OXR1: variants seen among roughly 807,000 people sequenced by gnomAD.
OXR1 encodes the protein oxidation resistance 1.
Under a neutral mutation model 104.6 loss-of-function variants are expected in OXR1, and 41 were observed. The observed-to-expected ratio is 0.39, with a 90% CI of 0.31 to 0.51. OXR1 has a LOEUF of 0.51. OXR1 is among the 20% of genes least tolerant of loss of function. The pLI, the probability that OXR1 is intolerant of heterozygous loss-of-function variation, is 0.77. For missense variants in OXR1, 955 were observed against 1,031.9 expected, an observed-to-expected ratio of 0.93 and a Z score of 1.02; for synonymous variants, 348 against 348.4, an observed-to-expected ratio of 1.00 and a Z score of 0.01.
intron 11 of OXR1, among the ~76,000 whole-genome samples, chr8:106,726,745 A>T (rs1054749538): frequency 3.3e-5 from 5 of 152,150 alleles, no homozygotes; most frequent in Non-Finnish European, 5.9e-5. Context: ...GAATCTGACT[A>T]AAAGGTTTTT....
intron 2 of OXR1, among the ~76,000 whole-genome samples, chr8:106,376,082 C>T (rs1816895554): frequency 6.6e-6 from 1 of 152,204 alleles, no homozygotes; most frequent in African/African-American, 2.4e-5. Context: ...CTCCTGGGCT[C>T]AAGTGCCCTT....
intron 6 of OXR1, among the ~76,000 whole-genome samples, chr8:106,691,678 C>T (rs965830975): frequency 2.0e-5 from 3 of 148,262 alleles, no homozygotes; most frequent in Admixed American, 6.8e-5. Flanking sequence ...GTGACTAATG[C>T]GGTTAACTCA....
At chr8:106,502,309 A>C (rs1811864686) in intron 2 of OXR1, among the ~76,000 whole-genome samples, 1 of 152,220 alleles carries the variant, frequency 6.6e-6, no homozygotes. Context: ...TTATGTAGCC[A>C]GTCCAGAATT....
chr8:106,735,409 G>A (rs768942081), intron 11 of OXR1, among the ~76,000 whole-genome samples: 6 of 152,048 alleles, frequency 3.9e-5, no homozygotes, highest in Admixed American at 6.6e-5. Context: ...GCCTTATGGC[G>A]ATTTATTGTT....
At chr8:106,407,744 C>T (rs1818295472) in intron 2 of OXR1, among the ~76,000 whole-genome samples, 1 of 152,124 alleles carries the variant, frequency 6.6e-6, no homozygotes, top group Non-Finnish European at 1.5e-5. Flanking sequence ...AATTCATTGA[C>T]CTGGGAATTG....
chr8:106,739,710 A>G, intron 13 of OXR1, 127 bp downstream of exon 13: 1 of 850,818 alleles, frequency 1.2e-6, no homozygotes, highest in Non-Finnish European at 1.8e-6. Flanking sequence ...CAGTGAAAAG[A>G]AAGAGTAAGC....
intron 3 of OXR1, among the ~76,000 whole-genome samples, chr8:106,538,016 T>G (rs1814678478): frequency 6.6e-6 from 1 of 152,208 alleles, no homozygotes; most frequent in East Asian, 1.9e-4. Context: ...GGATTTTCTG[T>G]GGAAACTGAT....
intron 3 of OXR1, among the ~76,000 whole-genome samples, chr8:106,645,556 G>A (rs1257617073): frequency 6.6e-6 from 1 of 152,086 alleles, no homozygotes; most frequent in Non-Finnish European, 1.5e-5. Flanking sequence ...TGCAACAGAA[G>A]AAAATGACCA....
At chr8:106,649,400 A>G (rs1180479148) in intron 3 of OXR1, among the ~76,000 whole-genome samples, 1 of 152,086 alleles carries the variant, frequency 6.6e-6, no homozygotes, top group Non-Finnish European at 1.5e-5. Flanking sequence ...CAAATTTACT[A>G]TTATATAGCC....
chr8:106,449,929 C>G (rs1239129039), intron 2 of OXR1, among the ~76,000 whole-genome samples: 1 of 152,070 alleles, frequency 6.6e-6, no homozygotes, highest in African/African-American at 2.4e-5. Context: ...TGTATGCTGT[C>G]TCACAGGCAT....
At chr8:106,339,401 A>G (rs998565638) in intron 1 of OXR1, among the ~76,000 whole-genome samples, 24 of 147,146 alleles carry the variant, frequency 1.6e-4, no homozygotes, top group South Asian at 6.8e-4. Flanking sequence ...AGGCTGAGGC[A>G]GGAGAATGGT....
intron 3 of OXR1, among the ~76,000 whole-genome samples, chr8:106,546,481 G>T (rs1815368816): frequency 6.6e-6 from 1 of 152,204 alleles, no homozygotes; most frequent in South Asian, 2.1e-4. Flanking sequence ...AGTTTATTTT[G>T]CCAAGGTAAA....
Position 106,296,647 on chromosome 8 carries a change from T to G in OXR1, c.-139+26280T>G, listed in dbSNP as rs149798370. Among the ~76,000 whole-genome samples the G allele has an allele frequency of 4.1e-3, 618 of 152,252 alleles. 2 individuals carry two copies. The highest frequency in any genetic ancestry group is 0.013 in the African/African-American group (545 of 41,550). On this transcript the variant is annotated intron_variant, in intron 1 of 16. Transcript: ENST00000517566. ...AACTCTAGTGATCACCTGTTTGTGT[T>G]GATGAATAGTAGTAAGGCCAGTGTA...
At chr8:106,549,388 G>A (rs1450999134) in intron 3 of OXR1, among the ~76,000 whole-genome samples, 1 of 152,090 alleles carries the variant, frequency 6.6e-6, no homozygotes, top group East Asian at 1.9e-4. Flanking sequence ...GTAAACACTT[G>A]TTGAATTTGT....
At chr8:106,385,388 A>T (rs1162315996) in intron 2 of OXR1, among the ~76,000 whole-genome samples, 1 of 152,224 alleles carries the variant, frequency 6.6e-6, no homozygotes. Context: ...ATTCATATAA[A>T]CTGCCTTCTT....
At chr8:106,278,591 A>C (rs1290953482) in intron 1 of OXR1, among the ~76,000 whole-genome samples, 1 of 152,182 alleles carries the variant, frequency 6.6e-6, no homozygotes, top group African/African-American at 2.4e-5. Flanking sequence ...TCATTTTCTA[A>C]GATAAAATGT....
intron 3 of OXR1, among the ~76,000 whole-genome samples, chr8:106,529,819 A>G (rs547609108): frequency 6.6e-6 from 1 of 152,332 alleles, no homozygotes; most frequent in East Asian, 1.9e-4. Flanking sequence ...AAAACAAATT[A>G]TATCTGTCAA....
At chr8:106,624,562 A>G (rs1006826969) in intron 3 of OXR1, among the ~76,000 whole-genome samples, 4 of 152,164 alleles carry the variant, frequency 2.6e-5, no homozygotes, top group African/African-American at 9.7e-5. Flanking sequence ...GGGTACAAAA[A>G]TGAGGTCTCA....
intron 1 of OXR1, among the ~76,000 whole-genome samples, chr8:106,314,175 C>G (rs1813830902): frequency 6.6e-6 from 1 of 152,112 alleles, no homozygotes; most frequent in Non-Finnish European, 1.5e-5. Context: ...TTGCAGGGAC[C>G]CTTTTTTCCT....
Sources: gnomAD v4.1 joint callset for allele counts (sites outside exome capture counted in the v4.1 genomes callset) on GRCh38, gnomAD v4.1.1 for gene constraint, MANE v1.5 for transcripts, NCBI Gene and HGNC (gene_info 2026-07-23, HGNC 2026-07-21) for gene names.